Variants in AK8 observed in about 807,000 individuals in gnomAD.
The protein encoded by AK8 is ATP-AMP transphosphorylase 8.
Under a neutral mutation model 54.6 loss-of-function variants are expected in AK8, and 44 were observed. That is an observed-to-expected ratio of 0.81 (90% CI 0.63 to 1.04). AK8 has a LOEUF of 1.04. Among genes scored for constraint, AK8 ranks in the 50% least tolerant of loss-of-function variants. The pLI is 0.00. For missense variants in AK8, 555 were observed against 613.6 expected (o/e 0.90, Z 1.01); for synonymous variants, 239 against 245.6 (o/e 0.97, Z 0.25).
At chr9:132,874,779 G>A (rs1844014352) in intron 2 of AK8, among the ~76,000 whole-genome samples, 1 of 152,252 alleles carries the variant, frequency 6.6e-6, no homozygotes. Context: ...AACCCAACAG[G>A]CGACATCAGC....
At chr9:132,854,776 C>T (rs146509131) in intron 5 of AK8, 81 bp downstream of exon 5, 1 of 1,477,614 alleles carries the variant, frequency 6.8e-7, no homozygotes, top group Non-Finnish European at 9.4e-7. Flanking sequence ...CTCTGGTCAT[C>T]TCTGGTCTTG....
In AK8 at chr9:132,799,732, A is replaced by G. The variant is rs1168934091; in HGVS notation, c.980-6957T>C. Among the ~76,000 whole-genome samples the G allele has an allele frequency of 6.6e-6, 1 of 151,862 alleles. No individual in the cohort carries two copies. The highest frequency in any genetic ancestry group is 1.9e-4 in the East Asian group (1 of 5,168). On this transcript the variant is annotated intron_variant, in intron 10 of 12. Coordinates refer to ENST00000298545, the MANE Select transcript of AK8 (RefSeq NM_152572.3). This position sits in a 1 kb window ranked among gnomAD's most constrained non-coding sequence, Gnocchi z 5.0. Reference sequence around the variant, plus strand: ...TTACACAAACACATCTAGCAAACACACCTACATACCTACACCGCACCCACA... The same window carrying G: ...TTACACAAACACATCTAGCAAACACGCCTACATACCTACACCGCACCCACA...
At chr9:132,777,049 G>A (rs1016389548) in intron 11 of AK8, among the ~76,000 whole-genome samples, 3 of 152,016 alleles carry the variant, frequency 2.0e-5, no homozygotes, top group African/African-American at 7.2e-5. Context: ...CTCCTGCCCC[G>A]CGTGTCACCT....
rs1344943256 is a variant in AK8, at chr9:132,792,663, C to A, written c.1092G>T (p.Leu364=). The change falls in exon 11 of 13, where the codon CTG becomes CTT. Residue 364 remains leucine, a synonymous_variant. Coordinates refer to ENST00000298545, the MANE Select transcript of AK8 (RefSeq NM_152572.3). ...GVPRDLDQAH[L]LNRLGYNPNR... is the part of the protein sequence containing the mutation. ...TGGGATTGTAGCCCAGGCGGTTCAGCAGGTGTGCCTGGTCGAGGTCCCGCG... is the reference window on the plus strand; with the variant it reads ...TGGGATTGTAGCCCAGGCGGTTCAGAAGGTGTGCCTGGTCGAGGTCCCGCG... 2 of 1,555,024 alleles carry A rather than the reference C, an allele frequency of 1.3e-6. No individual in the cohort carries two copies. Among genetic ancestry groups the A allele is most frequent in the Admixed American group, 3.9e-5 (2 of 51,634 alleles).
intron 5 of AK8, among the ~76,000 whole-genome samples, chr9:132,841,726 G>T (rs777556181): frequency 6.6e-6 from 1 of 152,138 alleles, no homozygotes; most frequent in African/African-American, 2.4e-5. Flanking sequence ...TTCTGTAGAT[G>T]GCTTTTTAAA....
At chr9:132,868,656 GAA>G (rs1843691944) in intron 2 of AK8, among the ~76,000 whole-genome samples, 1 of 152,208 alleles carries the variant, frequency 6.6e-6, no homozygotes, top group Non-Finnish European at 1.5e-5. Context: ...CACAGGAAGA[GAA>G]GCTCCCAAGG....
intron 8 of AK8, 37 bp from the exon 9 acceptor site, chr9:132,823,373 C>T (rs201491910): frequency 6.2e-7 from 1 of 1,612,152 alleles, no homozygotes; most frequent in Non-Finnish European, 8.5e-7. Flanking sequence ...AAACCCAGGT[C>T]CTAGAGAACA....
At chr9:132,830,941 G>A (rs1210278930) in intron 5 of AK8, among the ~76,000 whole-genome samples, 2 of 152,098 alleles carry the variant, frequency 1.3e-5, no homozygotes, top group Admixed American at 6.6e-5. Flanking sequence ...GTGTAATAGG[G>A]CTGCATTCCA....
At chr9:132,857,313 C>T (rs1471943045) in intron 4 of AK8, among the ~76,000 whole-genome samples, 5 of 152,150 alleles carry the variant, frequency 3.3e-5, no homozygotes, top group South Asian at 2.1e-4. Context: ...GGGACGCGGA[C>T]GCTGCTGGTC....
intron 4 of AK8, among the ~76,000 whole-genome samples, chr9:132,863,045 T>G (rs1020961873): frequency 6.6e-6 from 1 of 152,270 alleles, no homozygotes; most frequent in African/African-American, 2.4e-5. Context: ...AGCCTTATAT[T>G]TCCCTTTAGA....
chr9:132,726,021 C>A, intron 12 of AK8, 96 bp from the exon 13 acceptor site: 1 of 1,045,622 alleles, frequency 9.6e-7, no homozygotes, highest in East Asian at 2.5e-5. Context: ...TTTGGGGTGT[C>A]CTGGCCACCA....
intron 4 of AK8, among the ~76,000 whole-genome samples, chr9:132,855,322 C>T (rs544718806): frequency 7.9e-5 from 12 of 152,302 alleles, no homozygotes; most frequent in Non-Finnish European, 1.5e-4. Flanking sequence ...CACTAACCAC[C>T]GCACACGCTA....
Position 132,808,794 on chromosome 9 carries a change from A to G in AK8, c.979+5844T>C, listed in dbSNP as rs574010826. 8.2e-4 allele frequency among the ~76,000 whole-genome samples: 125 copies of G among 152,320 alleles called. 1 individual carries two copies. Among genetic ancestry groups the G allele is most frequent in the East Asian group, 1.7e-3 (9 of 5,184 alleles). On this transcript the variant is annotated intron_variant, in intron 10 of 12. Transcript: ENST00000298545. ...AGTGGAGAGAAAGCACAAGTCTGCA[A>G]TGGCAGGGGTCCCAGTGAAAGACCA...
At chr9:132,760,494 C>T (rs1041812100) in intron 11 of AK8, among the ~76,000 whole-genome samples, 1 of 152,170 alleles carries the variant, frequency 6.6e-6, no homozygotes, top group East Asian at 1.9e-4. Flanking sequence ...TCCATAAATT[C>T]TTTGGGGCTT....
At position 132,751,388 on chromosome 9, in the gene AK8, A is replaced by G. The variant is rs182517322; in HGVS notation, c.1122-23854T>C. On this transcript the variant is annotated intron_variant, in intron 11 of 12. Transcript: ENST00000298545. The stretch of plus-strand genomic sequence containing the variant: ...GACAGAGTGAGACTCCAAAAAAAAA[A>G]AAAAAAAACAAAAAAAACCAACTTC... Among the ~76,000 whole-genome samples the G allele has an allele frequency of 1.3e-3, 195 of 150,508 alleles. 2 individuals are homozygous for G. Among genetic ancestry groups the G allele is most frequent in the African/African-American group, 4.5e-3 (185 of 40,866 alleles).
chr9:132,833,029 C>A (rs1842170359), intron 5 of AK8, among the ~76,000 whole-genome samples: 1 of 152,184 alleles, frequency 6.6e-6, no homozygotes, highest in South Asian at 2.1e-4. Context: ...GAGCCACCCC[C>A]CACTGTATGG....
intron 11 of AK8, among the ~76,000 whole-genome samples, chr9:132,737,394 A>C (rs1346281325): frequency 6.6e-6 from 1 of 152,252 alleles, no homozygotes; most frequent in African/African-American, 2.4e-5. Context: ...TTTATTCGTC[A>C]GCTTTTCCTT....
intron 10 of AK8, among the ~76,000 whole-genome samples, chr9:132,797,407 C>T (rs575693248): frequency 6.6e-6 from 1 of 152,342 alleles, no homozygotes; most frequent in African/African-American, 2.4e-5. Flanking sequence ...AAGGACTTTT[C>T]TCACCAAGCA....
chr9:132,729,186 A>G (rs1440706034), intron 11 of AK8, among the ~76,000 whole-genome samples: 2 of 152,204 alleles, frequency 1.3e-5, no homozygotes, highest in Non-Finnish European at 2.9e-5. Flanking sequence ...TATGTGGCCT[A>G]TATAAGACCT....
Sources: gnomAD v4.1 joint callset for allele counts (sites outside exome capture counted in the v4.1 genomes callset) on GRCh38, gnomAD v4.1.1 for gene constraint, Gnocchi (gnomAD v3.1) non-coding constraint, MANE v1.5 for transcripts, NCBI Gene and HGNC (gene_info 2026-07-23, HGNC 2026-07-21) for gene names.